The following AP1M1 variants were observed in gnomAD, a reference collection of about 807,000 sequenced individuals.
AP1M1 encodes the protein AP-1 complex subunit mu-1.
AP1M1 carries 18 observed loss-of-function variants against 57.1 expected under a neutral mutation model. That is an observed-to-expected ratio of 0.32 (90% CI 0.22 to 0.47). The LOEUF is 0.47. Ranked by LOEUF, AP1M1 falls within the 20% of genes least tolerant of loss-of-function variation. AP1M1 has a pLI of 1.00. For synonymous variants in AP1M1, 241 were observed against 237.9 expected (o/e 1.01, Z -0.12); for missense variants, 362 against 593.5 (o/e 0.61, Z 4.05).
chr19:16,220,995 G>C (rs368169432), intron 5 of AP1M1, among the ~76,000 whole-genome samples: 2 of 152,234 alleles, frequency 1.3e-5, no homozygotes, highest in East Asian at 1.9e-4. Context: ...TCAGCAGTTA[G>C]ATGAGGTGTG....
rs774926460 is a variant in AP1M1, at chr19:16,208,152, G to A, written c.398+3G>A. On this transcript the variant is annotated splice_donor_region_variant and intron_variant, in intron 4 of 11. Transcript: ENST00000291439. ...ACCGACAGCAAGATCCTGCAGGAGT[G>A]AGTGGGCAGGGGTGGGGCCTGGGGC... 9 of 1,611,354 alleles carry A rather than the reference G, an allele frequency of 5.6e-6. No homozygotes were observed. Among genetic ancestry groups the A allele is most frequent in the East Asian group, 4.5e-5 (2 of 44,808 alleles).
At chr19:16,223,351 G>C (rs928739999) in intron 5 of AP1M1, among the ~76,000 whole-genome samples, 2 of 152,204 alleles carry the variant, frequency 1.3e-5, no homozygotes, top group African/African-American at 4.8e-5. Context: ...CTCGATTCTA[G>C]AGAGTTCTGG....
At position 16,228,890 on chromosome 19, in the gene AP1M1, G is replaced by A. The variant is rs1427640634; in HGVS notation, c.1009G>A (p.Glu337Lys). 1.2e-6 allele frequency: 2 copies of A among 1,614,140 alleles called. No homozygotes were observed. The highest frequency in any genetic ancestry group is 8.5e-7 in the Non-Finnish European group (1 of 1,180,012). ...TTVGSVKWVP[E>K]NSEIVWSIKS... ...GGTGGGGAGCGTTAAGTGGGTCCCC[G>A]AGAACAGCGAGATCGTGTGGTCCAT... The change falls in exon 9 of 12, where the codon GAG becomes AAG. Residue 337 changes from glutamate to lysine, a missense_variant. Glu to Lys is a moderately conservative substitution (Grantham distance 56). This residue lies in a region of AP1M1 where 337 missense variants were observed against 511.1 expected (regional missense o/e 0.66). Coordinates refer to ENST00000291439, the MANE Select transcript of AP1M1 (RefSeq NM_032493.4). This position sits in a 1 kb window ranked among gnomAD's most constrained non-coding sequence, Gnocchi z 5.0.
chr19:16,200,736 C>T (rs2091443560), intron 1 of AP1M1, among the ~76,000 whole-genome samples: 1 of 152,246 alleles, frequency 6.6e-6, no homozygotes, highest in Non-Finnish European at 1.5e-5. Context: ...ATCTAACTGG[C>T]TTCTCAGCAG....
chr19:16,227,793 C>G lies in AP1M1; in HGVS notation c.816+103C>G, dbSNP rs1279740014. 1 of 1,394,062 alleles carries G rather than the reference C, an allele frequency of 7.2e-7. No individual in the cohort carries two copies. The highest frequency in any genetic ancestry group is 1.4e-5 in the African/African-American group (1 of 70,812). 86.4% of individuals were successfully genotyped at this position (1,394,062 alleles called of 1,614,324 possible). ...GCGCCAGGGCCAGCCCCACCCCACG[C>G]TCCATGAGCTGCCTGGCTCTGCAGA... On this transcript the variant is annotated intron_variant, in intron 7 of 11. Coordinates refer to ENST00000291439, the MANE Select transcript of AP1M1 (RefSeq NM_032493.4). The surrounding 1 kb of genome is among the most constrained non-coding windows in gnomAD (Gnocchi z 6.2).
At chr19:16,200,318 C>A (rs1057219324) in intron 1 of AP1M1, among the ~76,000 whole-genome samples, 13 of 152,220 alleles carry the variant, frequency 8.5e-5, no homozygotes, top group African/African-American at 2.9e-4. Flanking sequence ...TTGGAAGGCA[C>A]GATCATGTGG....
Position 16,239,951 on chromosome 19 carries a change from C to T in AP1M1, c.*5516C>T, listed in dbSNP as rs1264505301. Reference sequence around the variant, plus strand: ...AGTCAACCCTCCACATCCATGGGTTCTGCATCCATGGATTCAACCAAGAGT... The same window carrying T: ...AGTCAACCCTCCACATCCATGGGTTTTGCATCCATGGATTCAACCAAGAGT... On this transcript the variant is annotated 3_prime_UTR_variant, in exon 12 of 12. Coordinates refer to ENST00000291439, the MANE Select transcript of AP1M1 (RefSeq NM_032493.4). 6.6e-6 allele frequency: 1 copy of T among 152,112 alleles called. No homozygotes were observed. Among genetic ancestry groups the T allele is most frequent in the Non-Finnish European group, 1.5e-5 (1 of 68,026 alleles). The allele number at this position is 152,112 out of a possible 1,614,324, so 9.4% of individuals were successfully genotyped here.
Position 16,242,980 on chromosome 19 carries a change from C to G in AP1M1, c.*8545C>G, listed in dbSNP as rs1301822104. 6.6e-6 allele frequency: 1 copy of G among 151,968 alleles called. No individual in the cohort carries two copies. Among genetic ancestry groups the G allele is most frequent in the Non-Finnish European group, 1.5e-5 (1 of 68,022 alleles). The allele number at this position is 151,968 out of a possible 1,614,324, so 9.4% of individuals were successfully genotyped here. On this transcript the variant is annotated 3_prime_UTR_variant, in exon 12 of 12. Transcript: ENST00000291439. ...AGAGACAGGGTTTTGCCATGTTGGC[C>G]AGGCTGGTCTTGAACCCTGACCTCA...
chr19:16,215,305 A>C (rs1233339215), intron 5 of AP1M1, among the ~76,000 whole-genome samples: 8 of 136,834 alleles, frequency 5.8e-5, no homozygotes, highest in Admixed American at 1.5e-4. Flanking sequence ...TACTGAAAAT[A>C]TAAAAATTAG....
intron 5 of AP1M1, among the ~76,000 whole-genome samples, chr19:16,219,858 G>T (rs951509435): frequency 2.6e-5 from 4 of 152,174 alleles, no homozygotes; most frequent in African/African-American, 7.2e-5. Flanking sequence ...TCATGTCAGG[G>T]CTCAAAAAGT....
In AP1M1 at chr19:16,228,415, C is replaced by T. The variant is rs186359445; in HGVS notation, c.888+207C>T. On this transcript the variant is annotated intron_variant, in intron 8 of 11. Coordinates refer to ENST00000291439, the MANE Select transcript of AP1M1 (RefSeq NM_032493.4). This position sits in a 1 kb window ranked among gnomAD's most constrained non-coding sequence, Gnocchi z 5.0. ...TTGTGGGGAGGGGCCTGTAGCCAGG[C>T]ATCCAGGACACTCCCAGAGGTGTTG... is the stretch of plus-strand genomic sequence containing the variant. Among the ~76,000 whole-genome samples, 709 of 152,312 alleles carry T rather than the reference C, an allele frequency of 4.7e-3. 4 individuals carry two copies. The highest frequency in any genetic ancestry group is 8.1e-3 in the Non-Finnish European group (554 of 68,022).
In AP1M1 at chr19:16,228,747, G is replaced by A; in HGVS notation, c.889-23G>A. On this transcript the variant is annotated intron_variant, in intron 8 of 11. Coordinates refer to ENST00000291439, the MANE Select transcript of AP1M1 (RefSeq NM_032493.4). The surrounding 1 kb of genome is among the most constrained non-coding windows in gnomAD (Gnocchi z 5.0). ...GCTCACCTTGGCCTCCATAACCCCG[G>A]GCCGCATTGGCCTGGCCTGCAGGCC... 1 of 1,612,636 alleles carries A rather than the reference G, an allele frequency of 6.2e-7. No homozygotes were observed. Among genetic ancestry groups the A allele is most frequent in the Non-Finnish European group, 8.5e-7 (1 of 1,179,342 alleles).
rs2091650758 is a variant in AP1M1, at chr19:16,243,018, C to G, written c.*8583C>G. 6.6e-6 allele frequency: 1 copy of G among 151,968 alleles called. No homozygotes were observed. The highest frequency in any genetic ancestry group is 2.4e-5 in the African/African-American group (1 of 41,354). 9.4% of individuals were successfully genotyped at this position (151,968 alleles called of 1,614,324 possible). A position where few individuals can be genotyped will look rare whatever the true frequency, so the allele number is the denominator to read the frequency against. The stretch of plus-strand genomic sequence containing the variant: ...AACCCTGACCTCAGGTGATCCACCC[C>G]CACTGGCCTCCCAAAGTGCTAGTGG... On this transcript the variant is annotated 3_prime_UTR_variant, in exon 12 of 12. Coordinates refer to ENST00000291439, the MANE Select transcript of AP1M1 (RefSeq NM_032493.4).
rs116586904 is a variant in AP1M1, at chr19:16,217,457, A to G, written c.546+8280A>G. ...GCCTGTGGGCAAGAACCTGCAGGCAAAACTGCACAGGGGAGGCTGCAGTGG... is the reference window on the plus strand; with the variant it reads ...GCCTGTGGGCAAGAACCTGCAGGCAGAACTGCACAGGGGAGGCTGCAGTGG... On this transcript the variant is annotated intron_variant, in intron 5 of 11. Coordinates refer to ENST00000291439, the MANE Select transcript of AP1M1 (RefSeq NM_032493.4). Among the ~76,000 whole-genome samples, 379 of 152,284 alleles carry G rather than the reference A, an allele frequency of 2.5e-3. 1 individual carries two copies. The highest frequency in any genetic ancestry group is 8.8e-3 in the African/African-American group (364 of 41,548).
intron 5 of AP1M1, among the ~76,000 whole-genome samples, chr19:16,214,122 C>T (rs1203197406): frequency 6.7e-6 from 1 of 148,960 alleles, no homozygotes; most frequent in African/African-American, 2.5e-5. Flanking sequence ...GATCTTGGCT[C>T]ACTGCAACCT....
At chr19:16,234,128 C>T in intron 10 of AP1M1, 71 bp from the exon 11 acceptor site, 1 of 1,476,228 alleles carries the variant, frequency 6.8e-7, no homozygotes, top group Non-Finnish European at 9.2e-7. Context: ...GCTGCCCCAG[C>T]AGGAAAGATT....
chr19:16,198,237 C>G, intron 1 of AP1M1, 169 bp downstream of exon 1: 1 of 575,128 alleles, frequency 1.7e-6, no homozygotes, highest in Non-Finnish European at 2.8e-6. Flanking sequence ...GGTAACCGGG[C>G]GGGGGTCTTA....
chr19:16,223,187 G>A (rs2124902), intron 5 of AP1M1, among the ~76,000 whole-genome samples: 15,187 of 152,226 alleles, frequency 0.1, 1,145 homozygotes, highest in East Asian at 0.21. Context: ...TAGGCCATGA[G>A]CATCACGTCA....
chr19:16,198,318 T>G, intron 1 of AP1M1: 1 of 276,060 alleles, frequency 3.6e-6, no homozygotes. Context: ...GGTAACTGAC[T>G]GCACCGCCCT....
Sources: gnomAD v4.1 joint callset for allele counts (sites outside exome capture counted in the v4.1 genomes callset) on GRCh38, gnomAD v4.1.1 for gene constraint, gnomAD v4.1.1 regional missense constraint, Gnocchi (gnomAD v3.1) non-coding constraint, MANE v1.5 for transcripts, NCBI Gene and HGNC (gene_info 2026-07-23, HGNC 2026-07-21) for gene names.